Variants in DIP2C observed in about 807,000 individuals in gnomAD.
DIP2C encodes the protein DIP2 acetate--CoA ligase C (putative), also known as disco-interacting protein 2 homolog C.
In DIP2C, 33 loss-of-function variants were observed where a neutral mutation model predicts 192.4. That is an observed-to-expected ratio of 0.17 (90% CI 0.13 to 0.23). The LOEUF is 0.23. Ranked by LOEUF, DIP2C falls within the 10% of genes least tolerant of loss-of-function variation. The pLI is 1.00. For synonymous variants in DIP2C, 979 were observed against 864.1 expected (o/e 1.13, Z -2.33); for missense variants, 1,537 against 2,110.1 (o/e 0.73, Z 5.32).
chr10:464,544 T>C (rs1970054376), intron 3 of DIP2C, among the ~76,000 whole-genome samples: 1 of 105,712 alleles, frequency 9.5e-6, no homozygotes, highest in South Asian at 4.6e-4. Context: ...AAGTGTAAAT[T>C]AGTTCAACCA....
chr10:303,679 A>G (rs1956165972), intron 32 of DIP2C, among the ~76,000 whole-genome samples: 1 of 151,860 alleles, frequency 6.6e-6, no homozygotes, highest in South Asian at 2.1e-4. Flanking sequence ...ATGCGCCACC[A>G]CGCCCGGCTG....
In DIP2C at chr10:315,713, T is replaced by C. The variant is rs143440305; in HGVS notation, c.3925-5621A>G. 1.8e-3 allele frequency among the ~76,000 whole-genome samples: 270 copies of C among 152,350 alleles called. 1 individual carries two copies. The highest frequency in any genetic ancestry group is 6.2e-3 in the African/African-American group (258 of 41,580). Reference sequence around the variant, plus strand: ...TGACTGAGCTTCTTGAATCTTTGTGTTGATTCTTCCCTTCACTCCTGGCCA... The same window carrying C: ...TGACTGAGCTTCTTGAATCTTTGTGCTGATTCTTCCCTTCACTCCTGGCCA... On this transcript the variant is annotated intron_variant, in intron 31 of 36. Coordinates refer to ENST00000280886, the MANE Select transcript of DIP2C (RefSeq NM_014974.3).
intron 3 of DIP2C, among the ~76,000 whole-genome samples, chr10:468,362 G>A (rs1970387358): frequency 6.6e-6 from 1 of 152,158 alleles, no homozygotes. Context: ...ATAAAGGGGA[G>A]TTGCTCTGTG....
chr10:472,735 G>T (rs991085672), intron 2 of DIP2C, among the ~76,000 whole-genome samples, 186 bp from the exon 3 acceptor site: 4 of 152,130 alleles, frequency 2.6e-5, no homozygotes, highest in Admixed American at 2.0e-4. Context: ...CACCGCCAGG[G>T]AGACCCCTCC....
rs192678651 is a variant in DIP2C at position 431,239 on chromosome 10, A to G, written c.395-8206T>C. On this transcript the variant is annotated intron_variant, in intron 4 of 36. Coordinates refer to ENST00000280886, the MANE Select transcript of DIP2C (RefSeq NM_014974.3). The stretch of plus-strand genomic sequence containing the variant: ...CTTTTGAATCAGTGTGTTGATATTG[A>G]AAAAAAAACTCGTTCGGATGTTGGT... Among the ~76,000 whole-genome samples the G allele has an allele frequency of 1.2e-3, 175 of 151,366 alleles. 3 individuals are homozygous for G. The highest frequency in any genetic ancestry group is 4.0e-3 in the African/African-American group (165 of 41,316).
chr10:306,781 A>G (rs1956344946), intron 32 of DIP2C, among the ~76,000 whole-genome samples: 1 of 152,198 alleles, frequency 6.6e-6, no homozygotes, highest in Admixed American at 6.5e-5. Flanking sequence ...CGGAGCTCAT[A>G]GTGACAGCAT....
chr10:374,846 TAATC>T (rs1220149276), intron 17 of DIP2C, among the ~76,000 whole-genome samples: 5 of 152,186 alleles, frequency 3.3e-5, no homozygotes, highest in Non-Finnish European at 5.9e-5. Flanking sequence ...TCCACCTTAA[TAATC>T]AATATCAGTA....
At chr10:580,790 C>T (rs1221146011) in intron 1 of DIP2C, among the ~76,000 whole-genome samples, 2 of 152,086 alleles carry the variant, frequency 1.3e-5, no homozygotes, top group African/African-American at 4.8e-5. Context: ...AAATAATTTT[C>T]ATGAATAAAG....
chr10:324,866 T>C (rs763072054), intron 31 of DIP2C: 4 of 506,652 alleles, frequency 7.9e-6, no homozygotes, highest in Non-Finnish European at 1.6e-5. Flanking sequence ...TGTTCTTCAT[T>C]CTGTCCCTTT....
chr10:590,312 G>T (rs1851324303), intron 1 of DIP2C, among the ~76,000 whole-genome samples: 2 of 152,192 alleles, frequency 1.3e-5, no homozygotes, highest in Admixed American at 1.3e-4. Flanking sequence ...GAGTCAAGTG[G>T]GACAAACTGA....
At chr10:372,801 C>T (rs1197472057) in intron 17 of DIP2C, among the ~76,000 whole-genome samples, 2 of 152,208 alleles carry the variant, frequency 1.3e-5, no homozygotes, top group African/African-American at 4.8e-5. Context: ...TCCCGGCACA[C>T]AGGCAGGCAC....
intron 24 of DIP2C, among the ~76,000 whole-genome samples, chr10:351,487 C>T (rs1348838791): frequency 6.6e-6 from 1 of 152,196 alleles, no homozygotes; most frequent in African/African-American, 2.4e-5. Context: ...GTCTTCAGAC[C>T]CTTCCTGCCG....
intron 1 of DIP2C, among the ~76,000 whole-genome samples, chr10:621,025 G>T (rs541649541): frequency 5.9e-5 from 9 of 152,154 alleles, no homozygotes; most frequent in African/African-American, 2.2e-4. Context: ...TGGTTCTGAC[G>T]TTTGGTCCTG....
At chr10:321,590 G>GAGA (rs1957024644) in intron 31 of DIP2C, among the ~76,000 whole-genome samples, 3 of 146,138 alleles carry the variant, frequency 2.1e-5, no homozygotes, top group Non-Finnish European at 3.0e-5. Context: ...CGGGGCTCCA[G>GAGA]CGAGAGACCG....
At chr10:318,289 G>C (rs902953057) in intron 31 of DIP2C, among the ~76,000 whole-genome samples, 1 of 152,186 alleles carries the variant, frequency 6.6e-6, no homozygotes, top group Non-Finnish European at 1.5e-5. Context: ...AAAAATACCA[G>C]AAGTCCCTTC....
chr10:380,679 A>G (rs1343622937), intron 17 of DIP2C, among the ~76,000 whole-genome samples: 1 of 152,240 alleles, frequency 6.6e-6, no homozygotes, highest in Non-Finnish European at 1.5e-5. Flanking sequence ...AGATCGCTGT[A>G]CTGCCTCCCA....
intron 32 of DIP2C, among the ~76,000 whole-genome samples, chr10:289,570 A>G (rs1955370453): frequency 6.6e-6 from 1 of 150,956 alleles, no homozygotes; most frequent in Non-Finnish European, 1.5e-5. Context: ...CCCAGCCCTC[A>G]CTGAGATTTG....
At chr10:389,144 A>T (rs1324301505) in intron 13 of DIP2C, among the ~76,000 whole-genome samples, 7 of 70,956 alleles carry the variant, frequency 9.9e-5, no homozygotes. Flanking sequence ...TCTCAGGGGC[A>T]TGGGGGTTCT....
intron 1 of DIP2C, 71 bp from the exon 2 acceptor site, chr10:486,601 G>C: frequency 4.6e-6 from 6 of 1,305,204 alleles, no homozygotes; most frequent in Non-Finnish European, 6.3e-6. Flanking sequence ...CGGTGCCCAA[G>C]AAGACACAGT....
Sources: allele counts gnomAD v4.1 joint callset (sites outside exome capture counted in the v4.1 genomes callset), GRCh38; gene constraint gnomAD v4.1.1; transcripts MANE v1.5; gene names NCBI Gene and HGNC (gene_info 2026-07-23, HGNC 2026-07-21).